The following MFSD11 variants were observed in gnomAD, a reference collection of about 807,000 sequenced individuals.
MFSD11 encodes the protein major facilitator superfamily domain containing 11.
A neutral mutation model predicts 53.5 loss-of-function variants in MFSD11; 36 were observed. That is an observed-to-expected ratio of 0.67 (90% CI 0.52 to 0.89). MFSD11 has a LOEUF of 0.89. Among genes scored for constraint, MFSD11 ranks in the 40% least tolerant of loss-of-function variants. The pLI is 0.00. For synonymous variants in MFSD11, 186 were observed against 184.9 expected, an observed-to-expected ratio of 1.01 and a Z score of -0.05; for missense variants, 530 against 543.9, an observed-to-expected ratio of 0.97 and a Z score of 0.25.
chr17:76,782,802 A>G (rs892281647), downstream of MFSD11, among the ~76,000 whole-genome samples: 1 of 151,890 alleles, frequency 6.6e-6, no homozygotes, highest in Non-Finnish European at 1.5e-5. Context: ...TCTTGTGTCT[A>G]TAGTTTTGAT....
chr17:76,796,450 A>G, the MFSD11 span, among the ~76,000 whole-genome samples: 1 of 152,142 alleles, frequency 6.6e-6, no homozygotes. Flanking sequence ...TATCCTCGAC[A>G]TTGACTAGTC....
intron 12 of MFSD11, among the ~76,000 whole-genome samples, chr17:76,777,164 T>C (rs2081917761): frequency 6.7e-6 from 1 of 148,258 alleles, no homozygotes; most frequent in African/African-American, 2.5e-5. Context: ...GCTACTTGGG[T>C]GGCTGAGGCA....
the MFSD11 span, among the ~76,000 whole-genome samples, chr17:76,795,211 C>T: frequency 2.7e-5 from 4 of 149,304 alleles, no homozygotes; most frequent in Non-Finnish European, 5.9e-5. Flanking sequence ...GTAGTAATTA[C>T]GGGCTCATGC....
downstream of MFSD11, among the ~76,000 whole-genome samples, chr17:76,786,074 CAAAAA>C (rs35306490): frequency 1.3e-5 from 1 of 75,868 alleles, no homozygotes; most frequent in Non-Finnish European, 2.9e-5. Flanking sequence ...GACTCCATCT[CAAAAA>C]AAAAAAAAAA....
chr17:76,761,837 C>T (rs1049053631), intron 8 of MFSD11, among the ~76,000 whole-genome samples: 11 of 151,454 alleles, frequency 7.3e-5, no homozygotes, highest in Admixed American at 1.3e-4. Flanking sequence ...AGGAGAATGG[C>T]GTGAACCCAG....
intron 11 of MFSD11, 121 bp downstream of exon 11, chr17:76,775,292 G>A (rs1417516348): frequency 9.8e-6 from 8 of 812,406 alleles, no homozygotes; most frequent in Admixed American, 3.1e-5. Context: ...AAGGTCATCT[G>A]TCAAGTGTTC....
intron 8 of MFSD11, among the ~76,000 whole-genome samples, chr17:76,764,160 C>T (rs922761646): frequency 1.3e-5 from 2 of 152,126 alleles, no homozygotes; most frequent in Non-Finnish European, 2.9e-5. Context: ...CACTCGGCCA[C>T]GTGTTTTGAT....
rs2144189173 is a variant in MFSD11 at position 76,744,376 on chromosome 17, C to T, written c.551C>T (p.Thr184Ile). The T allele has an allele frequency of 5.0e-6, 8 of 1,613,980 alleles. No individual in the cohort carries two copies. Among genetic ancestry groups the T allele is most frequent in the Non-Finnish European group, 6.8e-6 (8 of 1,179,908 alleles). Residue 184 changes from threonine to isoleucine, a missense_variant, in exon 7 of 13, where the codon ACA (threonine) becomes ATA (isoleucine). Transcript: ENST00000685175. ...IALTVISLVG[T>I]VLFFLIRKPD... Reference sequence around the variant, plus strand: ...CTAACGGTGATTAGCCTTGTGGGGACAGTTCTATTCTTTCTCATTCGGAAA... The same window carrying T: ...CTAACGGTGATTAGCCTTGTGGGGATAGTTCTATTCTTTCTCATTCGGAAA...
intron 12 of MFSD11, among the ~76,000 whole-genome samples, chr17:76,777,047 C>A (rs962146564): frequency 6.6e-6 from 1 of 152,044 alleles, no homozygotes; most frequent in Non-Finnish European, 1.5e-5. Context: ...GTGGGCGGAT[C>A]ACGAGGTCAC....
the MFSD11 span, among the ~76,000 whole-genome samples, chr17:76,795,455 C>T: frequency 4.0e-5 from 6 of 151,698 alleles, no homozygotes; most frequent in East Asian, 5.8e-4. Context: ...CACCACTGTA[C>T]TCCAGCCTGG....
intron 7 of MFSD11, among the ~76,000 whole-genome samples, chr17:76,753,700 A>AAAG (rs2079284469): frequency 2.0e-5 from 3 of 150,424 alleles, no homozygotes; most frequent in African/African-American, 7.4e-5. Context: ...AAAAAAAAAA[A>AAAG]AAAGAAAGAA....
At position 76,753,811 on chromosome 17, in the gene MFSD11, G is replaced by A. The variant is rs962631671; in HGVS notation, c.642-236G>A. Among the ~76,000 whole-genome samples, 6 of 152,188 alleles carry A rather than the reference G, an allele frequency of 3.9e-5. No homozygotes were observed. In the South Asian group the frequency reaches 1.2e-3, roughly 32 times the overall value. On this transcript the variant is annotated intron_variant, in intron 7 of 12. Coordinates refer to ENST00000685175, the MANE Select transcript of MFSD11 (RefSeq NM_001242532.5). ...TAAACATGTACAATAAGTGTAATCT[G>A]AAAGAATAGTCTTCCAATAGTTGAT...
upstream of MFSD11, chr17:76,737,661 A>G (rs555258344): frequency 9.8e-4 from 184 of 188,546 alleles, no homozygotes; most frequent in African/African-American, 2.1e-3. Context: ...TTTCATGCCA[A>G]TACTCCAAGT....
chr17:76,762,735 C>T (rs1364091128), intron 8 of MFSD11, among the ~76,000 whole-genome samples: 2 of 151,052 alleles, frequency 1.3e-5, no homozygotes, highest in Admixed American at 6.6e-5. Context: ...TTGACAAAGG[C>T]TTGAGTCAAC....
the MFSD11 span, among the ~76,000 whole-genome samples, chr17:76,792,230 T>C: frequency 1.3e-5 from 2 of 150,556 alleles, no homozygotes; most frequent in South Asian, 4.2e-4. Flanking sequence ...GCAATTCTCC[T>C]GCCTCAGCCT....
chr17:76,749,667 G>A (rs550276626), intron 7 of MFSD11, among the ~76,000 whole-genome samples: 34 of 152,178 alleles, frequency 2.2e-4, no homozygotes, highest in Non-Finnish European at 2.9e-4. Context: ...CGAGGTGGGC[G>A]GATCACGAGG....
intron 8 of MFSD11, among the ~76,000 whole-genome samples, chr17:76,764,289 A>G (rs1010290600): frequency 6.6e-6 from 1 of 151,880 alleles, no homozygotes; most frequent in Non-Finnish European, 1.5e-5. Flanking sequence ...TTTCCAACCA[A>G]ATTTCAAGTA....
intron 10 of MFSD11, 97 bp downstream of exon 10, chr17:76,769,968 G>A (rs1052061551): frequency 1.5e-5 from 15 of 1,005,894 alleles, no homozygotes; most frequent in Non-Finnish European, 2.1e-5. Flanking sequence ...TTGAATTTCT[G>A]TTTTTTCTAC....
Position 76,740,948 on chromosome 17 carries a change from T to C in MFSD11, c.153-9T>C. The C allele has an allele frequency of 6.7e-7, 1 of 1,488,238 alleles. No homozygotes were observed. Among genetic ancestry groups the C allele is most frequent in the East Asian group, 2.3e-5 (1 of 44,202 alleles). 92.2% of individuals were successfully genotyped at this position (1,488,238 alleles called of 1,614,324 possible). A position where few individuals can be genotyped will look rare whatever the true frequency, so the allele number is the denominator to read the frequency against. On this transcript the variant is annotated splice_polypyrimidine_tract_variant and intron_variant, in intron 2 of 12. Coordinates refer to ENST00000685175, the MANE Select transcript of MFSD11 (RefSeq NM_001242532.5). ...TTTTTTTTTTTCCGTTTGTGTATTA[T>C]GTGTGCAGCATGGCTATTATCTATG...
Sources: allele counts gnomAD v4.1 joint callset (sites outside exome capture counted in the v4.1 genomes callset), GRCh38; gene constraint gnomAD v4.1.1; transcripts MANE v1.5; gene names NCBI Gene and HGNC (gene_info 2026-07-23, HGNC 2026-07-21).